Variants in LTBP1 observed in about 807,000 individuals in gnomAD.
The protein encoded by LTBP1 is latent transforming growth factor beta binding protein 1.
Under a neutral mutation model 207.6 loss-of-function variants are expected in LTBP1, and 129 were observed. The ratio of observed to expected loss-of-function variants is 0.62; its 90% confidence interval spans 0.54 to 0.72. LTBP1 has a LOEUF of 0.72. Among genes scored for constraint, LTBP1 ranks in the 30% least tolerant of loss-of-function variants. LTBP1 has a pLI of 0.00. For missense variants in LTBP1, 2,281 were observed against 2,217.2 expected (o/e 1.03, Z -0.58); for synonymous variants, 963 against 833.7 (o/e 1.16, Z -2.67).
intron 3 of LTBP1, among the ~76,000 whole-genome samples, chr2:33,088,238 G>C (rs748347725): frequency 3.9e-5 from 6 of 152,222 alleles, no homozygotes; most frequent in Non-Finnish European, 5.9e-5. Flanking sequence ...TGGATCACGA[G>C]GTTGGAAGTT....
chr2:33,046,244 G>A (rs1365950374), intron 3 of LTBP1, among the ~76,000 whole-genome samples: 2 of 152,144 alleles, frequency 1.3e-5, no homozygotes, highest in Non-Finnish European at 2.9e-5. Flanking sequence ...GATATTGGCT[G>A]TGGGTTTGTC....
At chr2:33,313,657 T>C (rs2094218886) in intron 23 of LTBP1, among the ~76,000 whole-genome samples, 5 of 152,216 alleles carry the variant, frequency 3.3e-5, no homozygotes. Flanking sequence ...ATGCTGCTGC[T>C]AAGGACATGG....
In LTBP1 at chr2:33,004,786, A is replaced by AATATATATATATATATATAT. The variant is rs34777461; in HGVS notation, c.566-16113_566-16094dup. Among the ~76,000 whole-genome samples the AATATATATATATATATATAT allele has an allele frequency of 5.3e-3, 537 of 100,944 alleles. 5 individuals carry two copies. The highest frequency in any genetic ancestry group is 0.01 in the East Asian group (22 of 2,144). 66.2% of individuals were successfully genotyped at this position (100,944 alleles called of 152,430 possible). A position where few individuals can be genotyped will look rare whatever the true frequency, so the allele number is the denominator to read the frequency against. ...TGAGCCTCAGTCTCAAAAAAAAAGG[A>AATATATATATATATATATAT]ATATATATATATATATATATATATA... is the stretch of plus-strand genomic sequence containing the variant. On this transcript the variant is annotated intron_variant, in intron 2 of 33. Transcript: ENST00000404816.
At chr2:33,236,868 A>T (rs757603019) in intron 9 of LTBP1, among the ~76,000 whole-genome samples, 4 of 152,236 alleles carry the variant, frequency 2.6e-5, no homozygotes, top group Non-Finnish European at 5.9e-5. Flanking sequence ...AATAAATACA[A>T]GCTGTTCTCT....
At chr2:33,132,377 C>T (rs763706691) in intron 4 of LTBP1, among the ~76,000 whole-genome samples, 1 of 152,080 alleles carries the variant, frequency 6.6e-6, no homozygotes, top group Non-Finnish European at 1.5e-5. Flanking sequence ...GTCCTGTAAG[C>T]ATTTAAAGGA....
chr2:33,224,056 T>C (rs1191700122), intron 9 of LTBP1, among the ~76,000 whole-genome samples: 1 of 152,202 alleles, frequency 6.6e-6, no homozygotes, highest in African/African-American at 2.4e-5. Flanking sequence ...AGGGGACTGA[T>C]GGTAATGATA....
At chr2:33,298,235 C>A (rs58447746) in intron 20 of LTBP1, among the ~76,000 whole-genome samples, 332 of 152,328 alleles carry the variant, frequency 2.2e-3, no homozygotes, top group African/African-American at 7.1e-3. Flanking sequence ...ATTTTAAAGA[C>A]CCAAAGATCA....
chr2:33,201,025 G>A (rs1267383616), intron 7 of LTBP1, among the ~76,000 whole-genome samples: 1 of 152,188 alleles, frequency 6.6e-6, no homozygotes, highest in Non-Finnish European at 1.5e-5. Context: ...TTACACTGTT[G>A]GTGGGACTGT....
intron 5 of LTBP1, among the ~76,000 whole-genome samples, chr2:33,171,931 A>G (rs1261732517): frequency 3.3e-5 from 5 of 152,228 alleles, no homozygotes; most frequent in African/African-American, 4.8e-5. Flanking sequence ...AAGGAGAAAT[A>G]AAATACTTTA....
chr2:33,123,995 A>C (rs1209290400), intron 4 of LTBP1, among the ~76,000 whole-genome samples: 4 of 152,250 alleles, frequency 2.6e-5, no homozygotes, highest in Non-Finnish European at 5.9e-5. Context: ...TCAAGATTTG[A>C]CTATATTTTA....
chr2:33,008,913 G>A (rs993200638), intron 2 of LTBP1, among the ~76,000 whole-genome samples: 1 of 152,242 alleles, frequency 6.6e-6, no homozygotes, highest in Non-Finnish European at 1.5e-5. Context: ...CCCTGTGATG[G>A]AAGCAGGCTT....
intron 2 of LTBP1, among the ~76,000 whole-genome samples, chr2:32,962,903 C>T (rs531880112): frequency 6.6e-6 from 1 of 152,256 alleles, no homozygotes; most frequent in African/African-American, 2.4e-5. Context: ...AACCAGGCCT[C>T]TTGGGGATCC....
At chr2:33,004,054 A>G (rs1365101214) in intron 2 of LTBP1, among the ~76,000 whole-genome samples, 1 of 151,486 alleles carries the variant, frequency 6.6e-6, no homozygotes, top group Non-Finnish European at 1.5e-5. Context: ...CCCTGAATAC[A>G]CTCACATGGA....
In LTBP1 at chr2:33,280,054, T is replaced by G. The variant is rs750956945; in HGVS notation, c.3008T>G (p.Leu1003Trp). 7 of 1,613,956 alleles carry G rather than the reference T, an allele frequency of 4.3e-6. No homozygotes were observed. Among genetic ancestry groups the G allele is most frequent in the Non-Finnish European group, 5.9e-6 (7 of 1,179,980 alleles). ...GATTTTTCAGATATTGATGAATGTT[T>G]GAATCCAAGCACTTGTCCAGATGAG... ...RGRCEDIDEC[L>W]NPSTCPDEQC... is the part of the protein sequence containing the mutation. Residue 1003 changes from leucine to tryptophan, a missense_variant, in exon 19 of 34, where the codon TTG becomes TGG. Physicochemically the swap from Leu to Trp is moderately conservative, Grantham distance 61. This residue lies in a region of LTBP1 where 1,671 missense variants were observed against 1,634.8 expected (regional missense o/e 1.02). Transcript: ENST00000404816.
intron 10 of LTBP1, among the ~76,000 whole-genome samples, chr2:33,244,053 A>G (rs1020497285): frequency 6.6e-6 from 1 of 152,212 alleles, no homozygotes; most frequent in African/African-American, 2.4e-5. Flanking sequence ...ATATGCTTTG[A>G]TGAAAAGAAA....
At chr2:33,093,498 G>A (rs931783284) in intron 3 of LTBP1, among the ~76,000 whole-genome samples, 1 of 151,334 alleles carries the variant, frequency 6.6e-6, no homozygotes, top group Non-Finnish European at 1.5e-5. Flanking sequence ...ACTAGGATAC[G>A]CCTGCTCAAA....
chr2:33,287,211 G>T (rs1178270793), intron 19 of LTBP1, among the ~76,000 whole-genome samples: 1 of 152,230 alleles, frequency 6.6e-6, no homozygotes, highest in Non-Finnish European at 1.5e-5. Flanking sequence ...GTTTTGACAT[G>T]ATGGCATCAT....
At chr2:33,253,879 C>T (rs985443676) in intron 11 of LTBP1, among the ~76,000 whole-genome samples, 1 of 143,266 alleles carries the variant, frequency 7.0e-6, no homozygotes, top group Middle Eastern at 3.6e-3. Flanking sequence ...CCATCTGATG[C>T]ACTTTTTTTT....
intron 3 of LTBP1, among the ~76,000 whole-genome samples, chr2:33,060,065 T>G (rs957482414): frequency 1.3e-5 from 2 of 152,240 alleles, no homozygotes; most frequent in African/African-American, 2.4e-5. Context: ...AGCTTGTCTC[T>G]TGGAGGCTGA....
Sources: allele counts gnomAD v4.1 joint callset (sites outside exome capture counted in the v4.1 genomes callset), GRCh38; gene constraint gnomAD v4.1.1; regional missense constraint gnomAD v4.1.1; transcripts MANE v1.5; gene names NCBI Gene and HGNC (gene_info 2026-07-23, HGNC 2026-07-21).